The following STK32C variants were observed in gnomAD, a reference collection of about 807,000 sequenced individuals.
STK32C encodes serine/threonine kinase 32C, also known as serine/threonine-protein kinase 32C.
In STK32C, 31 loss-of-function variants were observed where a neutral mutation model predicts 56.5. That is an observed-to-expected ratio of 0.55 (90% CI 0.41 to 0.74). The LOEUF is 0.74. Ranked by LOEUF, STK32C falls within the 30% of genes least tolerant of loss-of-function variation. The pLI is 0.00. For missense variants in STK32C, 544 were observed against 676.9 expected (o/e 0.80, Z 2.18); for synonymous variants, 309 against 289.4 (o/e 1.07, Z -0.69).
At chr10:132,266,848 C>G (rs1361283494) in intron 1 of STK32C, among the ~76,000 whole-genome samples, 3 of 151,946 alleles carry the variant, frequency 2.0e-5, no homozygotes, top group East Asian at 3.9e-4. Flanking sequence ...CAAGCAGGAC[C>G]TGGGGGCAGC....
chr10:132,320,506 G>A (rs368941793), downstream of STK32C, among the ~76,000 whole-genome samples: 28 of 152,050 alleles, frequency 1.8e-4, no homozygotes, highest in East Asian at 9.7e-4. Flanking sequence ...TGTTGGCCAC[G>A]GTTATGGAAG....
intron 10 of STK32C, among the ~76,000 whole-genome samples, 179 bp downstream of exon 10, chr10:132,222,462 G>A (rs576128859): frequency 3.9e-5 from 6 of 152,298 alleles, no homozygotes; most frequent in South Asian, 4.1e-4. Flanking sequence ...CATAAGGAGC[G>A]AGGTGGGGGC....
rs548894729 is a variant in STK32C at position 132,250,278 on chromosome 10, G to A, written c.263-4323C>T. Reference sequence around the variant, plus strand: ...AGAGAGGAGCCCCACCCCGAGGGCAGGTGTGTGTGAGGCGCACAGGACAGG... The same window carrying A: ...AGAGAGGAGCCCCACCCCGAGGGCAAGTGTGTGTGAGGCGCACAGGACAGG... On this transcript the variant is annotated intron_variant, in intron 1 of 11. Coordinates refer to ENST00000298630, the MANE Select transcript of STK32C (RefSeq NM_173575.4). Among the ~76,000 whole-genome samples, 6 of 150,410 alleles carry A rather than the reference G, an allele frequency of 4.0e-5. No individual in the cohort carries two copies. The East Asian group carries it at 1.2e-3, about 30-fold the overall frequency.
At chr10:132,287,156 C>T (rs924644867) in intron 1 of STK32C, among the ~76,000 whole-genome samples, 1 of 152,064 alleles carries the variant, frequency 6.6e-6, no homozygotes, top group Non-Finnish European at 1.5e-5. Flanking sequence ...TTAAAGACGA[C>T]CAAAATAAAA....
chr10:132,289,703 G>A (rs1171578751), intron 1 of STK32C, among the ~76,000 whole-genome samples: 1 of 152,184 alleles, frequency 6.6e-6, no homozygotes, highest in Non-Finnish European at 1.5e-5. Flanking sequence ...GTTCTCACAG[G>A]GTAGAAAGGT....
At chr10:132,332,073 GCGCGCAGGCGCACCACACCCCT>G (rs1484306494), upstream of STK32C, 10 of 254,796 alleles carry the variant, frequency 3.9e-5, no homozygotes, top group Middle Eastern at 1.1e-3. Flanking sequence ...GCACACCCCC[GCGCGCAGGCGCACCACACCCCT>G]CGCGCAGGCG....
intron 2 of STK32C, among the ~76,000 whole-genome samples, chr10:132,241,057 T>A (rs1363803868): frequency 6.6e-6 from 1 of 152,216 alleles, no homozygotes; most frequent in African/African-American, 2.4e-5. Flanking sequence ...ACACACGATC[T>A]CCCAGCACTT....
chr10:132,318,381 C>G lies in STK32C; in HGVS notation c.301+13055G>C, dbSNP rs184968006. Among the ~76,000 whole-genome samples the G allele has an allele frequency of 3.4e-3, 520 of 151,990 alleles. 1 individual carries two copies. Among genetic ancestry groups the G allele is most frequent in the Non-Finnish European group, 6.1e-3 (415 of 67,962 alleles). The stretch of plus-strand genomic sequence containing the variant: ...TTGTAATCCCAGCACCTTGGGAGGC[C>G]GAGGCGGGCAGATCACTTGAGGTCA... On this transcript the variant is annotated intron_variant, in intron 1 of 3. Transcript: ENST00000368620.
Position 132,222,684 on chromosome 10 carries a change from G to C in STK32C, c.1208C>G (p.Ala403Gly), listed in dbSNP as rs1415433940. 6.2e-7 allele frequency: 1 copy of C among 1,613,180 alleles called. No individual in the cohort carries two copies. Among genetic ancestry groups the C allele is most frequent in the Non-Finnish European group, 8.5e-7 (1 of 1,179,886 alleles). ...RPLHKKKKRL[A>G]KNKSRDNSRD... Reference sequence around the variant, plus strand: ...GCTGTTGTCCCGGGACTTGTTCTTGGCCAGACGCTTCTTCTTCTTGTGCAG... The same window carrying C: ...GCTGTTGTCCCGGGACTTGTTCTTGCCCAGACGCTTCTTCTTCTTGTGCAG... The change falls in exon 10 of 12, where the codon GCC (alanine) becomes GGC (glycine). Residue 403 changes from alanine (A) to glycine (G), a missense_variant. Ala to Gly is a moderately conservative substitution (Grantham distance 60). Transcript: ENST00000298630.
At chr10:132,208,799 T>C (rs551493441) in intron 11 of STK32C, among the ~76,000 whole-genome samples, 4 of 152,228 alleles carry the variant, frequency 2.6e-5, no homozygotes, top group Admixed American at 6.5e-5. Flanking sequence ...GGGCAAATGA[T>C]GTGTCTCTCC....
At chr10:132,267,005 C>T (rs997705703) in intron 1 of STK32C, among the ~76,000 whole-genome samples, 5 of 152,156 alleles carry the variant, frequency 3.3e-5, no homozygotes, top group East Asian at 1.9e-4. Flanking sequence ...GGAGCTCGGC[C>T]GTCACTGAGC....
At chr10:132,326,947 T>C (rs1193223986) in intron 1 of STK32C, among the ~76,000 whole-genome samples, 4 of 152,228 alleles carry the variant, frequency 2.6e-5, no homozygotes, top group Admixed American at 6.5e-5. Flanking sequence ...ACATAACTTA[T>C]GGCAGCTTCA....
At chr10:132,321,330 G>A (rs74161778), downstream of STK32C, among the ~76,000 whole-genome samples, 100 of 152,310 alleles carry the variant, frequency 6.6e-4, no homozygotes, top group African/African-American at 2.3e-3. Flanking sequence ...TGCAGAGTAA[G>A]AGGTAAATGC....
chr10:132,242,892 C>T (rs987122289), intron 2 of STK32C, among the ~76,000 whole-genome samples: 1 of 152,216 alleles, frequency 6.6e-6, no homozygotes, highest in Non-Finnish European at 1.5e-5. Flanking sequence ...AACCTGGGCC[C>T]AAAGAACAGG....
chr10:132,211,006 C>T (rs760924646), intron 10 of STK32C, among the ~76,000 whole-genome samples: 3 of 152,174 alleles, frequency 2.0e-5, no homozygotes, highest in Admixed American at 1.3e-4. Context: ...GAGAAGAAGC[C>T]GGCAGACTCC....
At chr10:132,238,443 A>C (rs2063374184) in intron 2 of STK32C, among the ~76,000 whole-genome samples, 1 of 152,214 alleles carries the variant, frequency 6.6e-6, no homozygotes, top group Non-Finnish European at 1.5e-5. Flanking sequence ...AAGGGGAAAC[A>C]CGGGCAGAGC....
rs535577703 is a variant in STK32C, at chr10:132,222,998, C to T, written c.994-12G>A. 3.6e-5 allele frequency: 56 copies of T among 1,546,928 alleles called. No individual in the cohort carries two copies. In the East Asian group the frequency reaches 5.3e-4, roughly 15 times the overall value. On this transcript the variant is annotated splice_polypyrimidine_tract_variant and intron_variant, in intron 8 of 11. Transcript: ENST00000298630. ...TTCACAGTGAGGAGCTGCAACCAGGCATGAGTCAGAGGGTCCAGGGCCCAC... is the reference window on the plus strand; with the variant it reads ...TTCACAGTGAGGAGCTGCAACCAGGTATGAGTCAGAGGGTCCAGGGCCCAC...
intron 1 of STK32C, among the ~76,000 whole-genome samples, chr10:132,287,504 T>C (rs1590399677): frequency 6.7e-6 from 1 of 148,512 alleles, no homozygotes; most frequent in South Asian, 2.2e-4. Context: ...CAGGCTAGAG[T>C]GCAGTGGCGT....
chr10:132,208,942 C>G, intron 11 of STK32C, 92 bp downstream of exon 11: 2 of 1,240,950 alleles, frequency 1.6e-6, no homozygotes, highest in Non-Finnish European at 2.3e-6. Context: ...CCCAGGCCCA[C>G]AGGTGCCCGC....
Sources: gnomAD v4.1 joint callset for allele counts (sites outside exome capture counted in the v4.1 genomes callset) on GRCh38, gnomAD v4.1.1 for gene constraint, MANE v1.5 for transcripts, NCBI Gene and HGNC (gene_info 2026-07-23, HGNC 2026-07-21) for gene names.